Variants in MYO1D observed in about 807,000 individuals in gnomAD.
MYO1D encodes myosin ID, also known as unconventional myosin-Id.
In MYO1D, 83 loss-of-function variants were observed where a neutral mutation model predicts 122.0. That is an observed-to-expected ratio of 0.68 (90% CI 0.57 to 0.82). MYO1D has a LOEUF of 0.82. Ranked by LOEUF, MYO1D falls within the 40% of genes least tolerant of loss-of-function variation. The pLI is 0.00. For synonymous variants in MYO1D, 464 were observed against 446.9 expected, an observed-to-expected ratio of 1.04 and a Z score of -0.48; for missense variants, 1,157 against 1,269.5, an observed-to-expected ratio of 0.91 and a Z score of 1.35.
At chr17:32,805,980 C>T (rs749556964) in intron 1 of MYO1D, among the ~76,000 whole-genome samples, 19 of 152,220 alleles carry the variant, frequency 1.2e-4, no homozygotes, top group Admixed American at 5.9e-4. Context: ...ACCTTATGGC[C>T]GGGTGCAGTG....
In MYO1D at chr17:32,550,821, T is replaced by C. The variant is rs138066825; in HGVS notation, c.2864+54266A>G. ...GACCAGCCTGGGTAATGTAGTGAGA[T>C]GCTGTTTTTACAAAAAATTTAAAAA... On this transcript the variant is annotated intron_variant, in intron 21 of 21. Coordinates refer to ENST00000318217, the MANE Select transcript of MYO1D (RefSeq NM_015194.3). 4.5e-4 allele frequency among the ~76,000 whole-genome samples: 68 copies of C among 152,170 alleles called. No homozygotes were observed. In the East Asian group the frequency reaches 0.012, roughly 27 times the overall value.
intron 14 of MYO1D, among the ~76,000 whole-genome samples, chr17:32,726,588 TATC>T (rs1194519094): frequency 2.0e-5 from 3 of 149,992 alleles, no homozygotes; most frequent in Non-Finnish European, 4.4e-5. Flanking sequence ...ATTATATCTA[TATC>T]ATCTAATAGC....
chr17:32,609,151 A>G (rs1053162560), intron 20 of MYO1D, among the ~76,000 whole-genome samples: 1 of 152,244 alleles, frequency 6.6e-6, no homozygotes, highest in African/African-American at 2.4e-5. Flanking sequence ...TTCATTGCCT[A>G]TAAATTTAAA....
chr17:32,626,166 T>C (rs974723378), intron 20 of MYO1D, among the ~76,000 whole-genome samples: 3 of 152,228 alleles, frequency 2.0e-5, no homozygotes, highest in African/African-American at 4.8e-5. Flanking sequence ...ACGTGATGTA[T>C]GCTCGCACCA....
In MYO1D at chr17:32,876,989, G is replaced by C. The variant is rs1291739236; in HGVS notation, c.-117C>G. On this transcript the variant is annotated 5_prime_UTR_variant, in exon 1 of 22. Coordinates refer to ENST00000318217, the MANE Select transcript of MYO1D (RefSeq NM_015194.3). ...CGCGCCGCGAGGCTACGGGGAGGGG[G>C]CGCGCACGCCGCTCGGCGGGTCCGG... 10 of 421,808 alleles carry C rather than the reference G, an allele frequency of 2.4e-5. No individual in the cohort carries two copies. Among genetic ancestry groups the C allele is most frequent in the Non-Finnish European group, 3.7e-5 (10 of 271,264 alleles). The allele number at this position is 421,808 out of a possible 1,614,324, so 26.1% of individuals were successfully genotyped here.
chr17:32,522,081 C>CAAAAAAAA (rs35096680), intron 21 of MYO1D, among the ~76,000 whole-genome samples: 4 of 63,250 alleles, frequency 6.3e-5, no homozygotes, highest in African/African-American at 6.0e-5. Context: ...GACTCTGTCT[C>CAAAAAAAA]AAAAAAAAAA....
At chr17:32,712,250 A>T in intron 15 of MYO1D, 55 bp from the exon 16 acceptor site, 1 of 1,473,422 alleles carries the variant, frequency 6.8e-7, no homozygotes, top group Non-Finnish European at 9.4e-7. Context: ...TCATCTCAAT[A>T]GAAAACTATT....
At chr17:32,561,006 G>A (rs1240428131) in intron 21 of MYO1D, among the ~76,000 whole-genome samples, 1 of 151,178 alleles carries the variant, frequency 6.6e-6, no homozygotes, top group Non-Finnish European at 1.5e-5. Flanking sequence ...CTGCCTCCTG[G>A]GTTCAAGTGA....
chr17:32,830,432 A>G (rs933017661), intron 1 of MYO1D: 4 of 152,342 alleles, frequency 2.6e-5, no homozygotes, highest in African/African-American at 9.6e-5. Flanking sequence ...GTCCTAGATT[A>G]AAGTGGGATG....
rs1428312390 is a variant in MYO1D, at chr17:32,755,538, G to C, written c.1421C>G (p.Ala474Gly). Residue 474 changes from alanine to glycine, a missense_variant, in exon 11 of 22, where the codon GCA (alanine) becomes GGA (glycine). Physicochemically the swap from Ala to Gly is moderately conservative, Grantham distance 60 (BLOSUM62 0). Transcript: ENST00000318217. ...GTGTTTGCCCAATTTACTGTTAAGT[G>C]CTTCAAGAAACATTTCATCGGTGAC... ...GKVTDEMFLE[A>G]LNSKLGKHAH... 6.2e-7 allele frequency: 1 copy of C among 1,613,870 alleles called. No individual in the cohort carries two copies. Among genetic ancestry groups the C allele is most frequent in the Non-Finnish European group, 8.5e-7 (1 of 1,179,890 alleles).
intron 1 of MYO1D, among the ~76,000 whole-genome samples, chr17:32,807,469 C>G (rs770639280): frequency 1.7e-4 from 26 of 152,164 alleles, no homozygotes; most frequent in Non-Finnish European, 3.7e-4. Context: ...ATAATCTGAT[C>G]TACATGTTTT....
chr17:32,797,799 GCTTA>G (rs2090431000), intron 1 of MYO1D, among the ~76,000 whole-genome samples: 1 of 152,112 alleles, frequency 6.6e-6, no homozygotes, highest in Non-Finnish European at 1.5e-5. Flanking sequence ...TTTCATTTCA[GCTTA>G]CTGTCACAAA....
chr17:32,681,428 T>G (rs1460051462), intron 16 of MYO1D, among the ~76,000 whole-genome samples: 3 of 146,040 alleles, frequency 2.1e-5, no homozygotes. Context: ...TTTGAATGCA[T>G]CCCAGAGATT....
intron 21 of MYO1D, among the ~76,000 whole-genome samples, chr17:32,534,121 A>G (rs1328628720): frequency 6.6e-6 from 1 of 152,178 alleles, no homozygotes; most frequent in East Asian, 1.9e-4. Context: ...AAGTTTTCCA[A>G]CATTTCCCCA....
intron 21 of MYO1D, among the ~76,000 whole-genome samples, chr17:32,537,820 A>G (rs918215440): frequency 6.6e-6 from 1 of 152,214 alleles, no homozygotes; most frequent in Non-Finnish European, 1.5e-5. Flanking sequence ...ATCAATCACC[A>G]AAGTGGAAAA....
At chr17:32,495,064 G>A (rs1006507247) in intron 21 of MYO1D, 149 bp from the exon 22 acceptor site, 2 of 981,648 alleles carry the variant, frequency 2.0e-6, no homozygotes, top group Non-Finnish European at 1.5e-6. Context: ...CAGAGAGGCC[G>A]AGGCAAGGCG....
At chr17:32,719,873 T>C (rs1227916457) in intron 15 of MYO1D, among the ~76,000 whole-genome samples, 1 of 152,152 alleles carries the variant, frequency 6.6e-6, no homozygotes, top group Middle Eastern at 3.2e-3. Context: ...CCTGTCAGTG[T>C]CCTCCAACCA....
intron 20 of MYO1D, among the ~76,000 whole-genome samples, chr17:32,615,958 G>A (rs746168297): frequency 1.3e-5 from 2 of 152,226 alleles, no homozygotes; most frequent in Non-Finnish European, 2.9e-5. Context: ...TGGACTGAAA[G>A]CAACATAGAC....
At chr17:32,850,808 G>C (rs1598154901) in intron 1 of MYO1D, among the ~76,000 whole-genome samples, 1 of 152,096 alleles carries the variant, frequency 6.6e-6, no homozygotes, top group South Asian at 2.1e-4. Context: ...ATCAAGGCTT[G>C]GATTGGGCTT....
Sources: allele counts gnomAD v4.1 joint callset (sites outside exome capture counted in the v4.1 genomes callset), GRCh38; gene constraint gnomAD v4.1.1; transcripts MANE v1.5; gene names NCBI Gene and HGNC (gene_info 2026-07-23, HGNC 2026-07-21).